PCDHGC3: variants seen among roughly 807,000 people sequenced by gnomAD.
PCDHGC3 encodes protocadherin gamma subfamily C, 3.
Under a neutral mutation model 59.2 loss-of-function variants are expected in PCDHGC3, and 26 were observed. The ratio of observed to expected loss-of-function variants is 0.44; its 90% CI spans 0.32 to 0.61. The LOEUF is 0.61. Ranked by LOEUF, PCDHGC3 falls within the 20% of genes least tolerant of loss-of-function variation. PCDHGC3 has a pLI of 0.05. For missense variants in PCDHGC3, 1,080 were observed against 1,221.8 expected (o/e 0.88, Z 1.73); for synonymous variants, 487 against 519.7 (o/e 0.94, Z 0.86).
At position 141,478,234 on chromosome 5, in the gene PCDHGC3, G is replaced by C. The variant is rs762337749; in HGVS notation, c.2118G>C (p.Val706=). 1.3e-5 allele frequency: 21 copies of C among 1,614,082 alleles called. No homozygotes were observed. Among genetic ancestry groups the C allele is most frequent in the Non-Finnish European group, 1.8e-5 (21 of 1,180,006 alleles). ...LSLILVSVGF[V]VTVFGVIIFK... ...TAATCCTGGTTTCTGTGGGGTTTGT[G>C]GTCACAGTGTTCGGAGTAATCATAT... is the stretch of plus-strand genomic sequence containing the variant. Residue 706 remains valine, a synonymous_variant, in exon 1 of 4, where the codon GTG becomes GTC. Transcript: ENST00000308177.
intron 3 of PCDHGC3, among the ~76,000 whole-genome samples, chr5:141,509,045 GC>G (rs1165443091): frequency 6.6e-6 from 1 of 152,060 alleles, no homozygotes; most frequent in Non-Finnish European, 1.5e-5. Context: ...CCTCTCCCCC[GC>G]CCCCAGAAAG....
Position 141,487,552 on chromosome 5 carries a change from A to C in PCDHGC3, c.2431-7255A>C. On this transcript the variant is annotated intron_variant, in intron 1 of 3. Coordinates refer to ENST00000308177, the MANE Select transcript of PCDHGC3 (RefSeq NM_002588.4). The surrounding 1 kb of genome is among the most constrained non-coding windows in gnomAD (Gnocchi z 5.0). ...TCATGATGGTGAAGTCACCCAGTGC[A>C]CCTATGGCAGGGGAGCCTGTTCGCC... is the stretch of plus-strand genomic sequence containing the variant. 2 of 1,614,116 alleles carry C rather than the reference A, an allele frequency of 1.2e-6. No homozygotes were observed. The highest frequency in any genetic ancestry group is 1.7e-6 in the Non-Finnish European group (2 of 1,180,024).
At position 141,493,444 on chromosome 5, in the gene PCDHGC3, G is replaced by T. The variant is rs2099748313; in HGVS notation, c.2431-1363G>T. On this transcript the variant is annotated intron_variant, in intron 1 of 3. Transcript: ENST00000308177. This position sits in a 1 kb window ranked among gnomAD's most constrained non-coding sequence, Gnocchi z 4.3. ...GCTTCTGCTGGGATGGGGCAAGGGT[G>T]GGGTTCCTTCCCTTTTAGGACCTTA... Among the ~76,000 whole-genome samples, 1 of 152,174 alleles carries T rather than the reference G, an allele frequency of 6.6e-6. No homozygotes were observed. Among genetic ancestry groups the T allele is most frequent in the South Asian group, 2.1e-4 (1 of 4,826 alleles).
At chr5:141,480,703 C>T (rs577131684) in intron 1 of PCDHGC3, among the ~76,000 whole-genome samples, 10 of 152,252 alleles carry the variant, frequency 6.6e-5, no homozygotes, top group Admixed American at 1.3e-4. Flanking sequence ...GGCCACACCC[C>T]GACAAATGAA....
intron 1 of PCDHGC3, among the ~76,000 whole-genome samples, chr5:141,482,435 A>G (rs2099559555): frequency 6.6e-6 from 1 of 150,568 alleles, no homozygotes; most frequent in South Asian, 2.1e-4. Flanking sequence ...GATAATACTG[A>G]TATTCACCAT....
intron 3 of PCDHGC3, among the ~76,000 whole-genome samples, chr5:141,506,454 A>G (rs2099853946): frequency 6.6e-6 from 1 of 151,844 alleles, no homozygotes; most frequent in African/African-American, 2.4e-5. Context: ...CAAAAAAAAA[A>G]AAAAAAAAAA....
In PCDHGC3 at chr5:141,491,665, C is replaced by A; in HGVS notation, c.2431-3142C>A. 1 of 1,613,764 alleles carries A rather than the reference C, an allele frequency of 6.2e-7. No individual in the cohort carries two copies. Among genetic ancestry groups the A allele is most frequent in the Admixed American group, 1.7e-5 (1 of 60,034 alleles). On this transcript the variant is annotated intron_variant, in intron 1 of 3. Coordinates refer to ENST00000308177, the MANE Select transcript of PCDHGC3 (RefSeq NM_002588.4). The surrounding 1 kb of genome is among the most constrained non-coding windows in gnomAD (Gnocchi z 6.9). ...TCTGGCGCTGGAGCCTGACGCCATCCGGTCCCGCTCTAATACGCTGCGGGA... is the reference window on the plus strand; with the variant it reads ...TCTGGCGCTGGAGCCTGACGCCATCAGGTCCCGCTCTAATACGCTGCGGGA...
rs776990176 is a variant in PCDHGC3 at position 141,485,136 on chromosome 5, C to A, written c.2430+6590C>A. ...GTTTGGGGCGGGTCGGCTTCATCCG[C>A]GTCTCAGGAGCAAGTAGAGAATTAG... On this transcript the variant is annotated intron_variant, in intron 1 of 3. Transcript: ENST00000308177. The surrounding 1 kb of genome is among the most constrained non-coding windows in gnomAD (Gnocchi z 5.7). The A allele has an allele frequency of 4.0e-6, 6 of 1,502,706 alleles. No individual in the cohort carries two copies. The South Asian group carries it at 5.9e-5, about 15-fold the overall frequency. The allele number at this position is 1,502,706 out of a possible 1,614,324, so 93.1% of individuals were successfully genotyped here.
rs969397099 is a variant in PCDHGC3, at chr5:141,477,807, C to T, written c.1691C>T (p.Ala564Val). 6.2e-6 allele frequency: 10 copies of T among 1,613,932 alleles called. No homozygotes were observed. Among genetic ancestry groups the T allele is most frequent in the African/African-American group, 1.3e-5 (1 of 74,922 alleles). ...NIFVTDRNDN[A>V]PQVLYPRPGG... ...TTTGTCACTGATCGCAATGACAATG[C>T]CCCCCAGGTCCTATATCCTCGGCCA... is the stretch of plus-strand genomic sequence containing the variant. The change falls in exon 1 of 4, where the codon GCC (alanine) becomes GTC (valine). Residue 564 changes from alanine (A) to valine (V), a missense_variant. Physicochemically the swap from Ala to Val is moderately conservative, Grantham distance 64 (BLOSUM62 0). Transcript: ENST00000308177. The surrounding 1 kb of genome is among the most constrained non-coding windows in gnomAD (Gnocchi z 4.9).
chr5:141,507,296 C>T (rs1020117646), intron 3 of PCDHGC3: 1 of 141,360 alleles, frequency 7.1e-6, no homozygotes, highest in Non-Finnish European at 1.5e-5. Flanking sequence ...TCAAATGTTG[C>T]ATGAGACATA....
chr5:141,485,797 C>T lies in PCDHGC3; in HGVS notation c.2430+7251C>T. 1 of 1,614,228 alleles carries T rather than the reference C, an allele frequency of 6.2e-7. No homozygotes were observed. Among genetic ancestry groups the T allele is most frequent in the South Asian group, 1.1e-5 (1 of 91,092 alleles). On this transcript the variant is annotated intron_variant, in intron 1 of 3. Coordinates refer to ENST00000308177, the MANE Select transcript of PCDHGC3 (RefSeq NM_002588.4). This position sits in a 1 kb window ranked among gnomAD's most constrained non-coding sequence, Gnocchi z 5.7. ...TGGATCGAGAGAAGCAATCGGACTACCGCCTGGTGCTGACTGCTGTCGATG... is the reference window on the plus strand; with the variant it reads ...TGGATCGAGAGAAGCAATCGGACTATCGCCTGGTGCTGACTGCTGTCGATG...
intron 2 of PCDHGC3, among the ~76,000 whole-genome samples, chr5:141,503,100 G>A (rs563699751): frequency 6.6e-6 from 1 of 151,592 alleles, no homozygotes; most frequent in South Asian, 2.1e-4. Context: ...TGGTCTGCCC[G>A]CCCCTGCCTC....
At chr5:141,510,296 G>A (rs999749575) in intron 3 of PCDHGC3, among the ~76,000 whole-genome samples, 6 of 149,608 alleles carry the variant, frequency 4.0e-5, no homozygotes, top group African/African-American at 1.5e-4. Flanking sequence ...AAAAAATGCT[G>A]TTTTGAAATG....
Position 141,505,374 on chromosome 5 carries a change from C to T in PCDHGC3, c.2490-19C>T. The T allele has an allele frequency of 2.5e-6, 4 of 1,614,004 alleles. No homozygotes were observed. Among genetic ancestry groups the T allele is most frequent in the Non-Finnish European group, 2.5e-6 (3 of 1,179,944 alleles). On this transcript the variant is annotated intron_variant, in intron 2 of 3. Coordinates refer to ENST00000308177, the MANE Select transcript of PCDHGC3 (RefSeq NM_002588.4). Reference sequence around the variant, plus strand: ...TGCCGGCCTGGGAGTCTGTGCTCACCATCCTACTCTCTCCCCAGCTCCCAA... The same window carrying T: ...TGCCGGCCTGGGAGTCTGTGCTCACTATCCTACTCTCTCCCCAGCTCCCAA...
At position 141,491,910 on chromosome 5, in the gene PCDHGC3, G is replaced by T. The variant is rs946745903; in HGVS notation, c.2431-2897G>T. On this transcript the variant is annotated intron_variant, in intron 1 of 3. Coordinates refer to ENST00000308177, the MANE Select transcript of PCDHGC3 (RefSeq NM_002588.4). This position sits in a 1 kb window ranked among gnomAD's most constrained non-coding sequence, Gnocchi z 6.9. ...GGCTCCGAGCACCGGGGGTGGTGGC[G>T]ACTGTGGGCGAGGGGAGGTGGGACC... 3.6e-6 allele frequency: 5 copies of T among 1,406,946 alleles called. No individual in the cohort carries two copies. Among genetic ancestry groups the T allele is most frequent in the Non-Finnish European group, 4.7e-6 (5 of 1,059,702 alleles). 87.2% of individuals were successfully genotyped at this position (1,406,946 alleles called of 1,614,324 possible).
Position 141,476,645 on chromosome 5 carries a change from A to C in PCDHGC3, c.529A>C (p.Asn177His). 1 of 1,614,246 alleles carries C rather than the reference A, an allele frequency of 6.2e-7. No homozygotes were observed. The highest frequency in any genetic ancestry group is 8.5e-7 in the Non-Finnish European group (1 of 1,180,052). Residue 177 changes from asparagine to histidine, a missense_variant, in exon 1 of 4, where the codon AAT becomes CAT. Coordinates refer to ENST00000308177, the MANE Select transcript of PCDHGC3 (RefSeq NM_002588.4). The surrounding 1 kb of genome is among the most constrained non-coding windows in gnomAD (Gnocchi z 7.6). The part of the protein sequence containing the change: ...NSLQTYELSR[N>H]EYFALRVQTR... ...TTTACAAACCTATGAGCTGAGCCGA[A>C]ATGAATACTTTGCGCTTCGCGTGCA...
chr5:141,487,181 C>T lies in PCDHGC3; in HGVS notation c.2431-7626C>T. 3 of 1,612,732 alleles carry T rather than the reference C, an allele frequency of 1.9e-6. No individual in the cohort carries two copies. The highest frequency in any genetic ancestry group is 1.1e-5 in the South Asian group (1 of 91,060). ...CTTAGTGTCCTTAGAGGAAGACACT[C>T]ATCCAGTTGTCCCAGATCTTCGAGA... On this transcript the variant is annotated intron_variant, in intron 1 of 3. Transcript: ENST00000308177. This position sits in a 1 kb window ranked among gnomAD's most constrained non-coding sequence, Gnocchi z 5.0.
intron 1 of PCDHGC3, among the ~76,000 whole-genome samples, chr5:141,494,341 G>C (rs565090556): frequency 9.2e-5 from 14 of 152,352 alleles, no homozygotes; most frequent in Admixed American, 9.1e-4. Context: ...ACCAAGAACA[G>C]CAGCCATCTT....
Position 141,485,625 on chromosome 5 carries a change from G to T in PCDHGC3, c.2430+7079G>T. 6.2e-7 allele frequency: 1 copy of T among 1,611,968 alleles called. No individual in the cohort carries two copies. On this transcript the variant is annotated intron_variant, in intron 1 of 3. Transcript: ENST00000308177. This position sits in a 1 kb window ranked among gnomAD's most constrained non-coding sequence, Gnocchi z 5.7. ...GGGGAGGCAGCTCCTCCAGGACAGC[G>T]TTTCCCGTTGGAAAAGGCTCAGGAT...
Sources: allele counts gnomAD v4.1 joint callset (sites outside exome capture counted in the v4.1 genomes callset), GRCh38; gene constraint gnomAD v4.1.1; non-coding constraint Gnocchi (gnomAD v3.1); transcripts MANE v1.5; gene names NCBI Gene and HGNC (gene_info 2026-07-23, HGNC 2026-07-21).